The following EFR3A variants were observed in gnomAD, a reference collection of about 807,000 sequenced individuals.
EFR3A encodes EFR3 homolog A, also known as protein EFR3 homolog A.
Under a neutral mutation model 104.4 loss-of-function variants are expected in EFR3A, and 76 were observed. The ratio of observed to expected loss-of-function variants is 0.73; its 90% CI spans 0.60 to 0.88. The LOEUF is 0.88. EFR3A is among the 40% of genes least tolerant of loss of function. The pLI, the probability that EFR3A is intolerant of heterozygous loss-of-function variation, is 0.00. For synonymous variants in EFR3A, 330 were observed against 330.0 expected (o/e 1.00, Z 0.00); for missense variants, 985 against 1,012.5 (o/e 0.97, Z 0.37).
intron 14 of EFR3A, among the ~76,000 whole-genome samples, chr8:131,981,356 T>A (rs185945903): frequency 1.5e-3 from 221 of 152,238 alleles, no homozygotes; most frequent in Middle Eastern, 3.4e-3. Flanking sequence ...TAAACTGTTC[T>A]CAGAATTAGT....
chr8:131,941,633 T>A (rs551177496), intron 2 of EFR3A, among the ~76,000 whole-genome samples: 3 of 152,212 alleles, frequency 2.0e-5, no homozygotes, highest in Non-Finnish European at 2.9e-5. Context: ...AATATGAAAT[T>A]ACAGTGCATA....
At chr8:132,006,954 A>G (rs1822084427) in intron 22 of EFR3A, among the ~76,000 whole-genome samples, 2 of 151,978 alleles carry the variant, frequency 1.3e-5, no homozygotes, top group South Asian at 2.1e-4. Context: ...AAAAAGCTCA[A>G]TGTTCATTTA....
rs149071815 is a variant in EFR3A, at chr8:131,927,775, A to G, written c.11-12724A>G. On this transcript the variant is annotated intron_variant, in intron 1 of 22. Transcript: ENST00000254624. ...TCTTTTGTCTCTTCACTTACTGGAAATTGAATTATCGTTTATTATTTTAGA... is the reference window on the plus strand; with the variant it reads ...TCTTTTGTCTCTTCACTTACTGGAAGTTGAATTATCGTTTATTATTTTAGA... 1.1e-3 allele frequency among the ~76,000 whole-genome samples: 163 copies of G among 152,260 alleles called. No homozygotes were observed. The Middle Eastern group carries it at 0.014, about 13-fold the overall frequency.
At position 131,984,811 on chromosome 8, in the gene EFR3A, G is replaced by A. The variant is rs189648777; in HGVS notation, c.1738-118G>A. 7.2e-4 allele frequency: 650 copies of A among 907,594 alleles called. No individual in the cohort carries two copies. The African/African-American group carries it at 8.9e-3, about 12-fold the overall frequency. 56.2% of individuals were successfully genotyped at this position (907,594 alleles called of 1,614,324 possible). A position where few individuals can be genotyped will look rare whatever the true frequency, so the allele number is the denominator to read the frequency against. ...AGAATTGTTTTAGAAAATAACTTCTGATAAAGTGGCATTTTTGTTAGCTTT... is the reference window on the plus strand; with the variant it reads ...AGAATTGTTTTAGAAAATAACTTCTAATAAAGTGGCATTTTTGTTAGCTTT... On this transcript the variant is annotated intron_variant, in intron 15 of 22. Coordinates refer to ENST00000254624, the MANE Select transcript of EFR3A (RefSeq NM_015137.6).
Position 131,904,253 on chromosome 8 carries a change from G to C in EFR3A, c.-60G>C. On this transcript the variant is annotated 5_prime_UTR_variant, in exon 1 of 23. Transcript: ENST00000254624. ...CAGCAACGGCCGTCATGGTGCCGTC[G>C]GCGCTCCCTGCGCGGCCCCGCTGAG... The C allele has an allele frequency of 1.6e-6, 2 of 1,281,160 alleles. No homozygotes were observed. The highest frequency in any genetic ancestry group is 2.0e-6 in the Non-Finnish European group (2 of 1,012,008). The allele number at this position is 1,281,160 out of a possible 1,614,324, so 79.4% of individuals were successfully genotyped here. A position where few individuals can be genotyped will look rare whatever the true frequency, so the allele number is the denominator to read the frequency against.
chr8:131,978,794 T>TA (rs1663580782), intron 12 of EFR3A, 53 bp from the exon 13 acceptor site: 1 of 1,331,362 alleles, frequency 7.5e-7, no homozygotes, highest in Non-Finnish European at 9.8e-7. Flanking sequence ...ATGAGAATTT[T>TA]ACAAAAAAAG....
chr8:132,011,354 A>G lies in EFR3A; in HGVS notation c.*459A>G. On this transcript the variant is annotated 3_prime_UTR_variant, in exon 23 of 23. Coordinates refer to ENST00000254624, the MANE Select transcript of EFR3A (RefSeq NM_015137.6). Reference sequence around the variant, plus strand: ...ATATATTCCTAGTCCTGGGACTGCAAAACTGTTCGGTGGCTTTTTGTCCCC... The same window carrying G: ...ATATATTCCTAGTCCTGGGACTGCAGAACTGTTCGGTGGCTTTTTGTCCCC... 1.0e-6 allele frequency: 1 copy of G among 986,208 alleles called. No homozygotes were observed. The highest frequency in any genetic ancestry group is 1.2e-6 in the Non-Finnish European group (1 of 830,456). The allele number at this position is 986,208 out of a possible 1,614,324, so 61.1% of individuals were successfully genotyped here. A position where few individuals can be genotyped will look rare whatever the true frequency, so the allele number is the denominator to read the frequency against.
chr8:132,002,460 T>C, intron 20 of EFR3A, 143 bp from the exon 21 acceptor site: 1 of 618,602 alleles, frequency 1.6e-6, no homozygotes, highest in Middle Eastern at 4.1e-4. Context: ...TCATGGATGT[T>C]AGGCCTTTTT....
chr8:131,971,685 C>CAA (rs34769645), intron 10 of EFR3A, among the ~76,000 whole-genome samples: 4 of 126,154 alleles, frequency 3.2e-5, no homozygotes, highest in East Asian at 2.5e-4. Flanking sequence ...GACTCCGTCT[C>CAA]AAAAAAAAAA....
Position 132,003,179 on chromosome 8 carries a change from A to G in EFR3A, c.2311-57A>G, listed in dbSNP as rs74919571. 5 of 1,317,212 alleles carry G rather than the reference A, an allele frequency of 3.8e-6. No individual in the cohort carries two copies. The Admixed American group carries it at 8.8e-5, about 23-fold the overall frequency. The allele number at this position is 1,317,212 out of a possible 1,614,324, so 81.6% of individuals were successfully genotyped here. ...TTGTCTCTTAAGTTACATTGATATTATTATATATAGATACCTAGAAAATAA... is the reference window on the plus strand; with the variant it reads ...TTGTCTCTTAAGTTACATTGATATTGTTATATATAGATACCTAGAAAATAA... On this transcript the variant is annotated intron_variant, in intron 21 of 22. Coordinates refer to ENST00000254624, the MANE Select transcript of EFR3A (RefSeq NM_015137.6).
intron 1 of EFR3A, among the ~76,000 whole-genome samples, chr8:131,938,059 A>G (rs1234928137): frequency 6.6e-6 from 1 of 152,090 alleles, no homozygotes; most frequent in Non-Finnish European, 1.5e-5. Flanking sequence ...GATATTATCA[A>G]GTTCTTGATA....
intron 7 of EFR3A, 41 bp from the exon 8 acceptor site, chr8:131,959,544 A>G (rs1350480972): frequency 2.0e-6 from 3 of 1,513,950 alleles, no homozygotes; most frequent in Non-Finnish European, 2.7e-6. Context: ...AAGAAAGTAT[A>G]GTAAAATAGA....
intron 1 of EFR3A, among the ~76,000 whole-genome samples, chr8:131,907,892 C>T (rs1006756487): frequency 1.1e-4 from 16 of 151,598 alleles, no homozygotes; most frequent in Admixed American, 7.9e-4. Context: ...AGAGTTGTAG[C>T]TGATGAATTT....
At chr8:131,908,258 C>T (rs943314958) in intron 1 of EFR3A, among the ~76,000 whole-genome samples, 4 of 152,046 alleles carry the variant, frequency 2.6e-5, no homozygotes, top group African/African-American at 4.8e-5. Context: ...GATGGGATTT[C>T]ACCGTGTTAG....
At chr8:131,918,541 T>C (rs1168535587) in intron 1 of EFR3A, among the ~76,000 whole-genome samples, 1 of 152,196 alleles carries the variant, frequency 6.6e-6, no homozygotes, top group Non-Finnish European at 1.5e-5. Flanking sequence ...TATCTTCAAA[T>C]GTTGGATAGA....
At chr8:131,934,595 A>G (rs139542758) in intron 1 of EFR3A, among the ~76,000 whole-genome samples, 1 of 152,106 alleles carries the variant, frequency 6.6e-6, no homozygotes, top group Non-Finnish European at 1.5e-5. Context: ...GTTTGCTAAA[A>G]TAACACCTAT....
At chr8:131,967,983 C>G (rs997704822) in intron 8 of EFR3A, among the ~76,000 whole-genome samples, 1 of 150,380 alleles carries the variant, frequency 6.6e-6, no homozygotes, top group Non-Finnish European at 1.5e-5. Flanking sequence ...CTCATAAATC[C>G]CTTTCTCAGA....
In EFR3A at chr8:132,002,626, G is replaced by C; in HGVS notation, c.2230G>C (p.Glu744Gln). 1 of 1,613,658 alleles carries C rather than the reference G, an allele frequency of 6.2e-7. No homozygotes were observed. Among genetic ancestry groups the C allele is most frequent in the Non-Finnish European group, 8.5e-7 (1 of 1,179,644 alleles). Residue 744 changes from glutamate to glutamine, a missense_variant, in exon 21 of 23, where the codon GAA (glutamate) becomes CAA (glutamine). Physicochemically the swap from Glu to Gln is conservative, Grantham distance 29 (BLOSUM62 2). Coordinates refer to ENST00000254624, the MANE Select transcript of EFR3A (RefSeq NM_015137.6). ...AGATACCAGTGGAATGGAAGAACAG[G>C]AAAAGGAAAAGAGGCGTCTTGTGAT... is the stretch of plus-strand genomic sequence containing the variant. ...AIDTSGMEEQ[E>Q]KEKRRLVIEK...
intron 1 of EFR3A, among the ~76,000 whole-genome samples, chr8:131,934,491 G>A (rs897942917): frequency 6.6e-6 from 1 of 152,082 alleles, no homozygotes; most frequent in Non-Finnish European, 1.5e-5. Context: ...GTCCTAAAAT[G>A]TCCAAGGTTT....
Sources: allele counts gnomAD v4.1 joint callset (sites outside exome capture counted in the v4.1 genomes callset), GRCh38; gene constraint gnomAD v4.1.1; transcripts MANE v1.5; gene names NCBI Gene and HGNC (gene_info 2026-07-23, HGNC 2026-07-21).